The following NF1 variants were observed in gnomAD, a reference collection of about 807,000 sequenced individuals.
The protein encoded by NF1 is neurofibromin.
A neutral mutation model predicts 325.7 loss-of-function variants in NF1; 122 were observed. The observed-to-expected ratio is 0.37, with a 90% CI of 0.32 to 0.44. The LOEUF is 0.44. Ranked by LOEUF, NF1 falls within the 20% of genes least tolerant of loss-of-function variation. The probability of loss-of-function intolerance (pLI) is 1.00; values close to 1 mark genes in which losing one functional copy is unlikely to be tolerated. For missense variants in NF1, 2,140 were observed against 3,415.4 expected (o/e 0.63, Z 9.31); for synonymous variants, 1,091 against 1,186.0 (o/e 0.92, Z 1.65).
intron 17 of NF1, 75 bp downstream of exon 17, chr17:31,225,325 C>A (rs2144028979): frequency 6.6e-7 from 1 of 1,515,154 alleles, no homozygotes; most frequent in Non-Finnish European, 9.1e-7. Flanking sequence ...TGGTAAATTT[C>A]ATCTAGGTAA....
intron 1 of NF1, among the ~76,000 whole-genome samples, chr17:31,117,515 C>T (rs1914033545): frequency 2.0e-5 from 3 of 148,378 alleles, no homozygotes; most frequent in African/African-American, 7.4e-5. Flanking sequence ...ACTAAAAATA[C>T]AAAAAAAATT....
intron 1 of NF1, among the ~76,000 whole-genome samples, chr17:31,154,053 A>ATTTTTTTTTTTTTTTTTTTTTT (rs67332557): frequency 3.8e-5 from 2 of 52,714 alleles, no homozygotes; most frequent in African/African-American, 7.6e-5. Flanking sequence ...AGTTTCTTTG[A>ATTTTTTTTTTTTTTTTTTTTTT]TTTTTTTTTT....
chr17:31,197,108 G>A (rs1317498501), intron 8 of NF1, among the ~76,000 whole-genome samples: 2 of 151,460 alleles, frequency 1.3e-5, no homozygotes, highest in Admixed American at 6.6e-5. Context: ...ACAGTGGCGC[G>A]ATCTCGGCTC....
chr17:31,298,080 C>T (rs149277356), intron 36 of NF1, among the ~76,000 whole-genome samples: 17 of 151,994 alleles, frequency 1.1e-4, no homozygotes, highest in African/African-American at 3.6e-4. Context: ...GTATGAATGA[C>T]CATTTATTTG....
intron 29 of NF1, among the ~76,000 whole-genome samples, chr17:31,248,553 G>T (rs1339716017): frequency 2.0e-5 from 3 of 150,778 alleles, no homozygotes; most frequent in African/African-American, 2.4e-5. Flanking sequence ...TTTTATTTTT[G>T]AGATTCAGTC....
chr17:31,163,750 T>C (rs1474771412), intron 4 of NF1, among the ~76,000 whole-genome samples: 1 of 152,226 alleles, frequency 6.6e-6, no homozygotes, highest in Non-Finnish European at 1.5e-5. Context: ...TATGAACTTT[T>C]GGTTTGGCTT....
intron 36 of NF1, chr17:31,307,750 C>T (rs1186864939): frequency 6.0e-6 from 3 of 497,974 alleles, no homozygotes; most frequent in East Asian, 7.0e-5. Context: ...TATCTCTTAA[C>T]ATTAGGGAAT....
At position 31,230,894 on chromosome 17, in the gene NF1, G is replaced by A. The variant is rs776907522; in HGVS notation, c.3166G>A (p.Ala1056Thr). 5.0e-6 allele frequency: 8 copies of A among 1,611,136 alleles called. No homozygotes were observed. Among genetic ancestry groups the A allele is most frequent in the South Asian group, 4.4e-5 (4 of 90,946 alleles). ...TDWVMGTSNQ[A>T]ADDDVKCLTR... ...CTGGGTTATGGGAACATCAAACCAA[G>A]CAGCAGATGATGATGTAAAATGTCT... Residue 1056 changes from alanine (A) to threonine (T), a missense_variant, in exon 24 of 58, where the codon GCA (alanine) becomes ACA (threonine). By Grantham distance (58) the Ala-to-Thr change is moderately conservative. Transcript: ENST00000358273.
intron 36 of NF1, chr17:31,321,448 C>A (rs187896923): frequency 6.6e-6 from 1 of 152,144 alleles, no homozygotes; most frequent in East Asian, 1.9e-4. Context: ...ATCTGTCAGA[C>A]GTTAGAAGTG....
intron 8 of NF1, 122 bp downstream of exon 8, chr17:31,182,787 ATTTT>A: frequency 1.0e-6 from 1 of 954,284 alleles, no homozygotes. Context: ...TTAAATGATC[ATTTT>A]AGGTTTCTTT....
rs67332557 is a variant in NF1, at chr17:31,154,053, ATTTTTTTTTT to A, written c.61-1913_61-1904del. Among the ~76,000 whole-genome samples the A allele has an allele frequency of 9.5e-5, 5 of 52,724 alleles. No homozygotes were observed. The South Asian group carries it at 2.9e-3, about 30-fold the overall frequency. 34.6% of individuals were successfully genotyped at this position (52,724 alleles called of 152,430 possible). A position where few individuals can be genotyped will look rare whatever the true frequency, so the allele number is the denominator to read the frequency against. ...TACTAGAGAAGTTCTAGTTTCTTTG[ATTTTTTTTTT>A]TTTTTTTTTTTTTTTTGAGACAGAG... On this transcript the variant is annotated intron_variant, in intron 1 of 57. Transcript: ENST00000358273.
At chr17:31,249,478 C>A (rs1036162046) in intron 30 of NF1, among the ~76,000 whole-genome samples, 1 of 152,090 alleles carries the variant, frequency 6.6e-6, no homozygotes, top group Non-Finnish European at 1.5e-5. Flanking sequence ...ACAGTTGAGG[C>A]GGGTCTCCTC....
intron 36 of NF1, among the ~76,000 whole-genome samples, chr17:31,265,917 AG>A (rs2067779126): frequency 6.6e-6 from 1 of 151,994 alleles, no homozygotes; most frequent in Admixed American, 6.6e-5. Context: ...CCTTAATAAT[AG>A]GTATGATGCT....
chr17:31,275,932 T>C (rs866766102), intron 36 of NF1, among the ~76,000 whole-genome samples: 1 of 152,018 alleles, frequency 6.6e-6, no homozygotes, highest in Non-Finnish European at 1.5e-5. Context: ...TTATAAAGAA[T>C]AGGACACAGG....
rs1339440257 is a variant in NF1, at chr17:31,330,297, T to A, written c.5611T>A (p.Ser1871Thr). 6.2e-7 allele frequency: 1 copy of A among 1,613,844 alleles called. No individual in the cohort carries two copies. Among genetic ancestry groups the A allele is most frequent in the African/African-American group, 1.3e-5 (1 of 74,916 alleles). ...AACTTCATTTGTGTTTTCTCCTAGG[T>A]CAGCTGCCTATAATCTTCTGTGTGC... ...NLGSSDPSLRSAAYNLLCALT... is the reference protein window; with the variant it reads ...NLGSSDPSLRTAAYNLLCALT... The change falls in exon 39 of 58, where the codon TCA (serine) becomes ACA (threonine). Residue 1871 changes from serine to threonine, a missense_variant and splice_region_variant. Physicochemically the swap from Ser to Thr is moderately conservative, Grantham distance 58. Coordinates refer to ENST00000358273, the MANE Select transcript of NF1 (RefSeq NM_001042492.3).
chr17:31,128,723 C>T (rs1457823662), intron 1 of NF1, among the ~76,000 whole-genome samples: 1 of 151,916 alleles, frequency 6.6e-6, no homozygotes, highest in East Asian at 1.9e-4. Flanking sequence ...GAGATCGAGA[C>T]CATCCTGGCT....
At chr17:31,219,142 T>C (rs548027933) in intron 14 of NF1, 24 bp downstream of exon 14, 1 of 1,605,344 alleles carries the variant, frequency 6.2e-7, no homozygotes, top group South Asian at 1.1e-5. Flanking sequence ...GAATTCCATG[T>C]TCTTGAAGGA....
intron 36 of NF1, among the ~76,000 whole-genome samples, chr17:31,282,752 G>A (rs554602882): frequency 3.3e-5 from 5 of 152,240 alleles, no homozygotes; most frequent in African/African-American, 1.2e-4. Flanking sequence ...TTGTGTGGAC[G>A]TATGCATTCA....
chr17:31,128,858 G>A (rs758635760), intron 1 of NF1, among the ~76,000 whole-genome samples: 1 of 151,902 alleles, frequency 6.6e-6, no homozygotes, highest in Non-Finnish European at 1.5e-5. Context: ...CCCGGGAGGC[G>A]GAGCTTGCAG....
Sources: allele counts gnomAD v4.1 joint callset (sites outside exome capture counted in the v4.1 genomes callset), GRCh38; gene constraint gnomAD v4.1.1; transcripts MANE v1.5; gene names NCBI Gene and HGNC (gene_info 2026-07-23, HGNC 2026-07-21).